Variants in RSRP1 observed in about 807,000 individuals in gnomAD.
The protein encoded by RSRP1 is arginine and serine rich protein 1, also known as arginine/serine-rich protein 1.
A neutral mutation model predicts 33.0 loss-of-function variants in RSRP1; 37 were observed. The observed-to-expected ratio is 1.12, with a 90% CI of 0.86 to 1.48. RSRP1 has a LOEUF of 1.48. Ranked by LOEUF, RSRP1 falls within the 40% of genes most tolerant of loss-of-function variation. The pLI is 0.00. For synonymous variants in RSRP1, 167 were observed against 158.7 expected (o/e 1.05, Z -0.40); for missense variants, 402 against 385.3 (o/e 1.04, Z -0.36).
In RSRP1 at chr1:25,305,998, G is replaced by A. The variant is rs1382643393; in HGVS notation, c.-67+31980C>T. Among the ~76,000 whole-genome samples, 4 of 132,106 alleles carry A rather than the reference G, an allele frequency of 3.0e-5. 1 individual carries two copies. The highest frequency in any genetic ancestry group is 1.0e-4 in the African/African-American group (4 of 38,242). 86.7% of individuals were successfully genotyped at this position (132,106 alleles called of 152,430 possible). On this transcript the variant is annotated intron_variant, in intron 1 of 1. Transcript: ENST00000561867. ...CACATCTGCTGGCTCACGGCTGTGTGGGAGGCTGAGTGATGGGGAGGAAGG... is the reference window on the plus strand; with the variant it reads ...CACATCTGCTGGCTCACGGCTGTGTAGGAGGCTGAGTGATGGGGAGGAAGG...
At chr1:25,283,960 C>T (rs582506) in intron 1 of RSRP1, among the ~76,000 whole-genome samples, 4,477 of 131,148 alleles carry the variant, frequency 0.034, 813 homozygotes, top group African/African-American at 0.12. Context: ...GGTCTGAGAC[C>T]GGGAAAGGTG....
At chr1:25,249,022 G>A (rs1185096251), upstream of RSRP1, among the ~76,000 whole-genome samples, 4 of 152,076 alleles carry the variant, frequency 2.6e-5, no homozygotes, top group South Asian at 4.1e-4. Flanking sequence ...GGTGGCGGGC[G>A]CCTGTAATCC....
At chr1:25,337,100 AC>A (rs1404873577) in intron 1 of RSRP1, 1 of 164,148 alleles carries the variant, frequency 6.1e-6, no homozygotes, top group African/African-American at 2.4e-5. Flanking sequence ...CTCTCCCTTC[AC>A]CCTCTGTGTT....
In RSRP1 at chr1:25,288,302, G is replaced by C. The variant is rs1413845702; in HGVS notation, c.-66-41273C>G. On this transcript the variant is annotated intron_variant, in intron 1 of 1. Coordinates refer to the RSRP1 transcript ENST00000561867. The stretch of plus-strand genomic sequence containing the variant: ...AAAAGTACTGGAATTACAGCCTCCT[G>C]AGTAGCTGAGACCACAGGCACACAC... 2.4e-5 allele frequency among the ~76,000 whole-genome samples: 3 copies of C among 127,414 alleles called. No individual in the cohort carries two copies. The East Asian group carries it at 5.9e-4, about 25-fold the overall frequency. The allele number at this position is 127,414 out of a possible 152,430, so 83.6% of individuals were successfully genotyped here. A position where few individuals can be genotyped will look rare whatever the true frequency, so the allele number is the denominator to read the frequency against.
intron 1 of RSRP1, among the ~76,000 whole-genome samples, chr1:25,275,517 T>C (rs1358912475): frequency 7.6e-6 from 1 of 131,646 alleles, no homozygotes; most frequent in African/African-American, 2.6e-5. Flanking sequence ...AGTATTGACC[T>C]GAGGACTTCA....
upstream of RSRP1, chr1:25,247,479 C>T (rs1022692465): frequency 3.3e-5 from 5 of 153,420 alleles, no homozygotes; most frequent in African/African-American, 1.2e-4. Context: ...GCAGACGCGT[C>T]AAAAGTACCA....
intron 1 of RSRP1, among the ~76,000 whole-genome samples, chr1:25,261,281 G>A (rs1351922592): frequency 1.3e-5 from 2 of 152,138 alleles, no homozygotes. Context: ...AGTCATTAAC[G>A]GACAATATAT....
At chr1:25,247,598 G>C (rs950114730), upstream of RSRP1, 2 of 152,268 alleles carry the variant, frequency 1.3e-5, no homozygotes, top group African/African-American at 2.4e-5. Flanking sequence ...CCTGTGCCTC[G>C]AGCGCTTGCC....
Position 25,322,228 on chromosome 1 carries a change from TC to T in RSRP1, c.-67+15749del. ...TGAGACAGCTTTCACTGGCCACACTTCCCCTCCCCCTATCTGCAGTCCTCAG... is the reference window on the plus strand; with the variant it reads ...TGAGACAGCTTTCACTGGCCACACTTCCCTCCCCCTATCTGCAGTCCTCAG... On this transcript the variant is annotated intron_variant, in intron 1 of 1. Transcript: ENST00000561867. Among the ~76,000 whole-genome samples the T allele has an allele frequency of 1.5e-5, 2 of 131,680 alleles. 1 individual carries two copies. The highest frequency in any genetic ancestry group is 8.1e-3 in the Middle Eastern group (2 of 248). The allele number at this position is 131,680 out of a possible 152,430, so 86.4% of individuals were successfully genotyped here.
intron 1 of RSRP1, among the ~76,000 whole-genome samples, chr1:25,295,705 A>G (rs1467447991): frequency 9.2e-6 from 1 of 108,780 alleles, no homozygotes; most frequent in East Asian, 2.2e-4. Flanking sequence ...GCTGAAGGGC[A>G]GGGGCTGACA....
rs143682695 is a variant in RSRP1 at position 25,256,266 on chromosome 1, C to T, written c.-66-9237G>A. 2.6e-3 allele frequency among the ~76,000 whole-genome samples: 390 copies of T among 151,386 alleles called. 2 individuals carry two copies. Among genetic ancestry groups the T allele is most frequent in the African/African-American group, 9.0e-3 (372 of 41,226 alleles). ...ACTTCCTGGGCTCAAACGATCCTCC[C>T]GCCTCAGCCTACTGAGTAGCTAGGA... On this transcript the variant is annotated intron_variant, in intron 1 of 1. Coordinates refer to the RSRP1 transcript ENST00000561867.
chr1:25,257,302 TCCCAGA>T, intron 1 of RSRP1, among the ~76,000 whole-genome samples: 1 of 152,306 alleles, frequency 6.6e-6, no homozygotes, highest in East Asian at 1.9e-4. Flanking sequence ...GTGTGTTTCC[TCCCAGA>T]ATATAAATTA....
chr1:25,297,161 A>C, intron 1 of RSRP1, among the ~76,000 whole-genome samples: 1 of 97,054 alleles, frequency 1.0e-5, no homozygotes, highest in Non-Finnish European at 2.5e-5. Context: ...ATCTTTCTTT[A>C]TCTTTCATGA....
chr1:25,301,197 G>A lies in RSRP1; in HGVS notation c.-67+36781C>T. 7 of 1,072,702 alleles carry A rather than the reference G, an allele frequency of 6.5e-6. 1 individual carries two copies. The highest frequency in any genetic ancestry group is 6.4e-5 in the South Asian group (5 of 78,546). The allele number at this position is 1,072,702 out of a possible 1,614,324, so 66.4% of individuals were successfully genotyped here. A position where few individuals can be genotyped will look rare whatever the true frequency, so the allele number is the denominator to read the frequency against. On this transcript the variant is annotated intron_variant, in intron 1 of 1. Coordinates refer to the RSRP1 transcript ENST00000561867. The stretch of plus-strand genomic sequence containing the variant: ...TCCCTCCTTTACCAAGTTCCCCTGG[G>A]TGTCTGAAGCCCTTCCATCATGATT...
At position 25,246,618 on chromosome 1, in the gene RSRP1, G is replaced by C. The variant is rs748536251; in HGVS notation, c.346C>G (p.Arg116Gly). The C allele has an allele frequency of 6.2e-7, 1 of 1,614,050 alleles. No individual in the cohort carries two copies. Among genetic ancestry groups the C allele is most frequent in the Non-Finnish European group, 8.5e-7 (1 of 1,180,014 alleles). ...CTTCCCCGAGAGCGCGACCTGCTACGGGACCGGGACCGGTACCGCGAAGGA... is the reference window on the plus strand; with the variant it reads ...CTTCCCCGAGAGCGCGACCTGCTACCGGACCGGGACCGGTACCGCGAAGGA... ...RSPSRYRSRS[R>G]SRSRSRGRSY... Residue 116 changes from arginine (R) to glycine (G), a missense_variant, in exon 2 of 5, where the codon CGT becomes GGT. Transcript: ENST00000243189.
chr1:25,245,145 C>G lies in RSRP1; in HGVS notation c.672+5G>C, dbSNP rs955928873. 3.0e-5 allele frequency: 49 copies of G among 1,614,068 alleles called. No homozygotes were observed. Among genetic ancestry groups the G allele is most frequent in the Middle Eastern group, 1.6e-4 (1 of 6,084 alleles). ...GTTTTGTTCCGACAAACCTAGAATA[C>G]TTACTTCAGGCTTTGCACCATTACT... On this transcript the variant is annotated splice_donor_5th_base_variant and intron_variant, in intron 3 of 4. Coordinates refer to ENST00000243189, the MANE Select transcript of RSRP1 (RefSeq NM_020317.5).
At position 25,331,902 on chromosome 1, in the gene RSRP1, GCTAA is replaced by G. The variant is rs1645019175; in HGVS notation, c.-67+6072_-67+6075del. Among the ~76,000 whole-genome samples the G allele has an allele frequency of 1.6e-5, 2 of 128,904 alleles. 1 individual carries two copies. Among genetic ancestry groups the G allele is most frequent in the South Asian group, 4.7e-4 (2 of 4,250 alleles). The allele number at this position is 128,904 out of a possible 152,430, so 84.6% of individuals were successfully genotyped here. A position where few individuals can be genotyped will look rare whatever the true frequency, so the allele number is the denominator to read the frequency against. On this transcript the variant is annotated intron_variant, in intron 1 of 1. Transcript: ENST00000561867. Reference sequence around the variant, plus strand: ...CTACAGGCGCCCGCCACTACGCCCGGCTAACTTTTTTGTATTTTTAGTAGAGACG... The same window carrying G: ...CTACAGGCGCCCGCCACTACGCCCGGCTTTTTTGTATTTTTAGTAGAGACG...
In RSRP1 at chr1:25,307,895, G is replaced by A. The variant is rs1289404894; in HGVS notation, c.-67+30083C>T. The A allele has an allele frequency of 1.9e-6, 2 of 1,074,144 alleles. 1 individual carries two copies. The highest frequency in any genetic ancestry group is 2.7e-6 in the Non-Finnish European group (2 of 739,376). The allele number at this position is 1,074,144 out of a possible 1,614,324, so 66.5% of individuals were successfully genotyped here. ...CCTCTGTGATGGGTTCCAGTGATGT[G>A]TCTGCCACTGTCTTAATAACTGTGC... is the stretch of plus-strand genomic sequence containing the variant. On this transcript the variant is annotated intron_variant, in intron 1 of 1. Transcript: ENST00000561867.
rs369846902 is a variant in RSRP1, at chr1:25,334,641, C to A, written c.-67+3337G>T. 8.3e-5 allele frequency among the ~76,000 whole-genome samples: 11 copies of A among 133,326 alleles called. 2 individuals carry two copies. The highest frequency in any genetic ancestry group is 2.0e-4 in the African/African-American group (8 of 39,056). The allele number at this position is 133,326 out of a possible 152,430, so 87.5% of individuals were successfully genotyped here. On this transcript the variant is annotated intron_variant, in intron 1 of 1. Transcript: ENST00000561867. ...GCCCTGCCCCTGCAGCAAACTTCTG[C>A]CTGGGCATCCAGGCATTTCCGCACA...
Sources: gnomAD v4.1 joint callset for allele counts (sites outside exome capture counted in the v4.1 genomes callset) on GRCh38, gnomAD v4.1.1 for gene constraint, MANE v1.5 for transcripts, NCBI Gene and HGNC (gene_info 2026-07-23, HGNC 2026-07-21) for gene names.